Variants in MAML3 observed in about 807,000 individuals in gnomAD.
MAML3 encodes mastermind-like protein 3.
MAML3 carries 27 observed loss-of-function variants against 101.9 expected under a neutral mutation model. That is an observed-to-expected ratio of 0.27 (90% confidence interval 0.20 to 0.37). The LOEUF is 0.37. Ranked by LOEUF, MAML3 falls within the 10% of genes least tolerant of loss-of-function variation. The pLI, the probability that MAML3 is intolerant of heterozygous loss-of-function variation, is 1.00. For synonymous variants in MAML3, 501 were observed against 555.9 expected, an observed-to-expected ratio of 0.90 and a Z score of 1.39; for missense variants, 1,316 against 1,444.9, an observed-to-expected ratio of 0.91 and a Z score of 1.45.
chr4:140,111,946 T>C (rs1025101658), intron 1 of MAML3, among the ~76,000 whole-genome samples: 1 of 152,214 alleles, frequency 6.6e-6, no homozygotes, highest in Non-Finnish European at 1.5e-5. Context: ...CATTTTTGAA[T>C]ATTAGAGGCT....
At chr4:140,134,156 CT>C (rs1245642550) in intron 1 of MAML3, 2 of 456,608 alleles carry the variant, frequency 4.4e-6, no homozygotes, top group Admixed American at 4.7e-5. Flanking sequence ...GGCTCATTAT[CT>C]TCTTGCTTCC....
At chr4:139,888,476 T>TC (rs1404144872) in intron 2 of MAML3, 5 of 513,690 alleles carry the variant, frequency 9.7e-6, no homozygotes, top group Non-Finnish European at 1.9e-5. Flanking sequence ...AATGGGCATT[T>TC]CCCCACTCTC....
At chr4:139,897,838 T>C (rs1251890308) in intron 1 of MAML3, among the ~76,000 whole-genome samples, 2 of 152,194 alleles carry the variant, frequency 1.3e-5, no homozygotes, top group African/African-American at 2.4e-5. Flanking sequence ...TCTCCAGGCT[T>C]AGCCATTACC....
chr4:139,969,100 T>C (rs370728151), intron 1 of MAML3, among the ~76,000 whole-genome samples: 2 of 150,902 alleles, frequency 1.3e-5, no homozygotes, highest in East Asian at 2.0e-4. Flanking sequence ...AGACCTGAGG[T>C]GAATGGTCCA....
chr4:140,151,758 A>C (rs1038787924), intron 1 of MAML3, among the ~76,000 whole-genome samples: 1 of 151,968 alleles, frequency 6.6e-6, no homozygotes, highest in Non-Finnish European at 1.5e-5. Context: ...AAGCAAAAGA[A>C]CCGGAGAGGG....
chr4:140,090,781 T>C (rs969322551), intron 1 of MAML3, among the ~76,000 whole-genome samples: 1 of 152,228 alleles, frequency 6.6e-6, no homozygotes, highest in African/African-American at 2.4e-5. Flanking sequence ...CCAGGCATGG[T>C]GGCTCAGGCC....
intron 1 of MAML3, among the ~76,000 whole-genome samples, chr4:140,050,091 T>C (rs1357196484): frequency 6.6e-6 from 1 of 152,136 alleles, no homozygotes; most frequent in Non-Finnish European, 1.5e-5. Flanking sequence ...TTCTGAAAGC[T>C]CACACTGCCT....
chr4:139,842,393 G>A (rs7688821), intron 2 of MAML3, among the ~76,000 whole-genome samples: 6,272 of 152,266 alleles, frequency 0.041, 409 homozygotes, highest in African/African-American at 0.14. Flanking sequence ...TATGGAATGG[G>A]TAAGTGACTG....
At chr4:139,871,338 C>T (rs1192015114) in intron 2 of MAML3, among the ~76,000 whole-genome samples, 1 of 152,154 alleles carries the variant, frequency 6.6e-6, no homozygotes, top group Non-Finnish European at 1.5e-5. Flanking sequence ...GTCAATTCAG[C>T]TCTCACTTTG....
chr4:140,115,134 T>C (rs1457934744), intron 1 of MAML3, among the ~76,000 whole-genome samples: 3 of 152,214 alleles, frequency 2.0e-5, no homozygotes, highest in African/African-American at 7.2e-5. Flanking sequence ...ATTTGTCCTA[T>C]GGAGATATGT....
intron 2 of MAML3, among the ~76,000 whole-genome samples, chr4:139,854,511 G>A (rs1560814873): frequency 6.7e-6 from 1 of 150,162 alleles, no homozygotes; most frequent in Non-Finnish European, 1.5e-5. Flanking sequence ...GCCCTTCTAG[G>A]TCTACCATAT....
At chr4:139,883,626 G>A (rs1732264558) in intron 2 of MAML3, among the ~76,000 whole-genome samples, 1 of 152,092 alleles carries the variant, frequency 6.6e-6, no homozygotes. Context: ...GTAGAATTGA[G>A]TAACTGAAAA....
intron 1 of MAML3, among the ~76,000 whole-genome samples, chr4:140,036,353 G>A (rs762144443): frequency 3.3e-5 from 5 of 152,212 alleles, no homozygotes; most frequent in Admixed American, 6.5e-5. Context: ...CACCCAGCAT[G>A]CAGGAACATG....
At chr4:140,140,267 T>A (rs551092991) in intron 1 of MAML3, among the ~76,000 whole-genome samples, 20 of 152,170 alleles carry the variant, frequency 1.3e-4, no homozygotes, top group Admixed American at 9.8e-4. Flanking sequence ...GAGGTTGTAG[T>A]GAGCGAAGAC....
At chr4:139,868,794 T>C (rs887874514) in intron 2 of MAML3, among the ~76,000 whole-genome samples, 2 of 152,074 alleles carry the variant, frequency 1.3e-5, no homozygotes, top group Non-Finnish European at 2.9e-5. Flanking sequence ...AAAAATGAAC[T>C]GGTAAAATTT....
At chr4:139,899,167 G>T (rs574977717) in intron 1 of MAML3, among the ~76,000 whole-genome samples, 1 of 152,246 alleles carries the variant, frequency 6.6e-6, no homozygotes, top group East Asian at 1.9e-4. Context: ...TAATAATTCT[G>T]TTGGATTCTG....
intron 1 of MAML3, among the ~76,000 whole-genome samples, chr4:140,130,671 C>T (rs531605737): frequency 6.6e-6 from 1 of 152,192 alleles, no homozygotes; most frequent in South Asian, 2.1e-4. Context: ...AGAAAAGTGG[C>T]CCCAACTAAC....
intron 1 of MAML3, among the ~76,000 whole-genome samples, chr4:139,987,325 G>A (rs184516171): frequency 7.8e-4 from 119 of 152,322 alleles, no homozygotes; most frequent in African/African-American, 2.8e-3. Context: ...ACTGGGCAGA[G>A]GCCATGGTAA....
At position 140,152,940 on chromosome 4, in the gene MAML3, C is replaced by T. The variant is rs756117980; in HGVS notation, c.388G>A (p.Gly130Ser). Residue 130 changes from glycine (G) to serine (S), a missense_variant, in exon 1 of 5, where the codon GGC (glycine) becomes AGC (serine). By Grantham distance (56) the Gly-to-Ser change is moderately conservative. Transcript: ENST00000509479. ...QRAKKSGAGT[G>S]KQQHPSKPQQ... Reference sequence around the variant, plus strand: ...GGTTTGCTCGGGTGCTGCTGTTTGCCGGTGCCGGCGCCCGATTTCTTGGCC... The same window carrying T: ...GGTTTGCTCGGGTGCTGCTGTTTGCTGGTGCCGGCGCCCGATTTCTTGGCC... 8 of 1,612,592 alleles carry T rather than the reference C, an allele frequency of 5.0e-6. No homozygotes were observed. Among genetic ancestry groups the T allele is most frequent in the Non-Finnish European group, 6.8e-6 (8 of 1,179,554 alleles).
Sources: allele counts gnomAD v4.1 joint callset (sites outside exome capture counted in the v4.1 genomes callset), GRCh38; gene constraint gnomAD v4.1.1; transcripts MANE v1.5; gene names NCBI Gene and HGNC (gene_info 2026-07-23, HGNC 2026-07-21).